The following PIKFYVE variants were observed in gnomAD, a reference collection of about 807,000 sequenced individuals.
PIKFYVE encodes the protein phosphoinositide kinase, FYVE-type zinc finger containing.
A neutral mutation model predicts 257.9 loss-of-function variants in PIKFYVE; 122 were observed. The ratio of observed to expected loss-of-function variants is 0.47; its 90% CI spans 0.41 to 0.55. PIKFYVE has a LOEUF of 0.55. Among genes scored for constraint, PIKFYVE ranks in the 20% least tolerant of loss-of-function variants. The probability of loss-of-function intolerance (pLI) is 0.00; values close to 1 mark genes in which losing one functional copy is unlikely to be tolerated. For missense variants in PIKFYVE, 2,160 were observed against 2,536.6 expected (o/e 0.85, Z 3.19); for synonymous variants, 892 against 868.9 (o/e 1.03, Z -0.47).
intron 1 of PIKFYVE, among the ~76,000 whole-genome samples, chr2:208,267,026 G>T (rs140241332): frequency 1.3e-5 from 2 of 152,134 alleles, no homozygotes; most frequent in African/African-American, 4.8e-5. Context: ...AGGACTTAGG[G>T]GTTTTCTGCC....
At chr2:208,309,096 G>A (rs1694678891) in intron 12 of PIKFYVE, among the ~76,000 whole-genome samples, 1 of 152,074 alleles carries the variant, frequency 6.6e-6, no homozygotes, top group African/African-American at 2.4e-5. Flanking sequence ...GGAAGTGGAT[G>A]CTCCTAGGTT....
chr2:208,280,400 T>C (rs1690656901), intron 5 of PIKFYVE, among the ~76,000 whole-genome samples: 1 of 152,162 alleles, frequency 6.6e-6, no homozygotes, highest in South Asian at 2.1e-4. Context: ...GAGCTAAAGC[T>C]TCACTGATCA....
chr2:208,329,560 C>G (rs191652232), intron 21 of PIKFYVE, among the ~76,000 whole-genome samples: 8 of 152,142 alleles, frequency 5.3e-5, no homozygotes, highest in Non-Finnish European at 1.0e-4. Context: ...AAACCTTTAC[C>G]TCTTCTTAAC....
chr2:208,297,491 T>C (rs934384063), intron 7 of PIKFYVE, among the ~76,000 whole-genome samples: 6 of 152,212 alleles, frequency 3.9e-5, no homozygotes, highest in African/African-American at 1.2e-4. Context: ...TTTATCTTTA[T>C]ACTGGGGAAA....
At chr2:208,328,381 G>A in intron 21 of PIKFYVE, 101 bp downstream of exon 21, 2 of 1,383,384 alleles carry the variant, frequency 1.4e-6, no homozygotes. Flanking sequence ...CTGTATTTAG[G>A]TACACAGCAC....
At chr2:208,269,518 A>G (rs762518009) in intron 1 of PIKFYVE, 6 of 274,518 alleles carry the variant, frequency 2.2e-5, no homozygotes, top group Non-Finnish European at 3.8e-5. Flanking sequence ...AAGCCCCTCC[A>G]GGTAGTCCTC....
chr2:208,297,062 C>CT (rs755031689), intron 7 of PIKFYVE, among the ~76,000 whole-genome samples: 1 of 152,020 alleles, frequency 6.6e-6, no homozygotes, highest in Admixed American at 6.6e-5. Flanking sequence ...AATTTACAGT[C>CT]TATCTCCATG....
In PIKFYVE at chr2:208,333,416, C is replaced by A; in HGVS notation, c.4065C>A (p.Asn1355Lys). 1 of 1,614,046 alleles carries A rather than the reference C, an allele frequency of 6.2e-7. No individual in the cohort carries two copies. Among genetic ancestry groups the A allele is most frequent in the Non-Finnish European group, 8.5e-7 (1 of 1,179,964 alleles). The change falls in exon 24 of 42, where the codon AAC becomes AAA. Residue 1355 changes from asparagine (N) to lysine (K), a missense_variant. Around this residue, in one of 12 missense-constraint regions of PIKFYVE, gnomAD observed 699 missense variants for 855.8 expected, o/e 0.82. Transcript: ENST00000264380. ...FYGHQYTRRANAEPCGHSIHH... is the reference protein window; with the variant it reads ...FYGHQYTRRAKAEPCGHSIHH... ...GGCACCAGTATACTCGCAGAGCCAA[C>A]GCTGAGCCCTGTGGTCACTCCATCC...
At position 208,355,557 on chromosome 2, in the gene PIKFYVE, C is replaced by G. The variant is rs547466847; in HGVS notation, c.*252C>G. On this transcript the variant is annotated 3_prime_UTR_variant, in exon 42 of 42. Coordinates refer to ENST00000264380, the MANE Select transcript of PIKFYVE (RefSeq NM_015040.4). ...AAATTTTCTTAAGCTAAAATACAGACATGTTTCAAAGGGCTAAAGTTGGAG... is the reference window on the plus strand; with the variant it reads ...AAATTTTCTTAAGCTAAAATACAGAGATGTTTCAAAGGGCTAAAGTTGGAG... 3 of 415,266 alleles carry G rather than the reference C, an allele frequency of 7.2e-6. No individual in the cohort carries two copies. In the South Asian group the frequency reaches 7.9e-5, roughly 11 times the overall value. 25.7% of individuals were successfully genotyped at this position (415,266 alleles called of 1,614,324 possible). A position where few individuals can be genotyped will look rare whatever the true frequency, so the allele number is the denominator to read the frequency against.
intron 27 of PIKFYVE, 34 bp from the exon 28 acceptor site, chr2:208,336,804 C>T (rs374473434): frequency 1.0e-4 from 142 of 1,397,986 alleles, no homozygotes; most frequent in Non-Finnish European, 1.4e-4. Flanking sequence ...AGAAACAAAC[C>T]ATATATATAT....
At chr2:208,297,552 T>C (rs4673394) in intron 7 of PIKFYVE, among the ~76,000 whole-genome samples, 112,807 of 152,000 alleles carry the variant, frequency 0.74, 44,110 homozygotes, top group East Asian at 0.93. Context: ...CTGATACATA[T>C]TAGGCGAGCT....
At chr2:208,349,366 A>G (rs1267839574) in intron 35 of PIKFYVE, among the ~76,000 whole-genome samples, 1 of 151,918 alleles carries the variant, frequency 6.6e-6, no homozygotes, top group African/African-American at 2.4e-5. Context: ...TTAAATCTCT[A>G]ATAATTAAAC....
Position 208,325,802 on chromosome 2 carries a change from GAC to G in PIKFYVE, c.2992_2993del (p.Thr998PhefsTer18), listed in dbSNP as rs1393157521. Reference protein sequence around the residue: ...QDALGSEQPETLQQTVVLQDP... With the variant: ...QDALGSEQPEXLQQTVVLQDP... ...ATGCTTTAGGCAGCGAGCAGCCAGA[GAC>G]TTTGCAGCAAACAGTTGTGCTGCAG... On this transcript the variant is annotated frameshift_variant, in exon 20 of 42. Transcript: ENST00000264380. LOFTEE classifies it high-confidence loss of function. 1.2e-6 allele frequency: 2 copies of G among 1,614,002 alleles called. No individual in the cohort carries two copies. Among genetic ancestry groups the G allele is most frequent in the Non-Finnish European group, 1.7e-6 (2 of 1,180,020 alleles).
chr2:208,318,075 A>G, intron 16 of PIKFYVE, 134 bp downstream of exon 16: 1 of 937,484 alleles, frequency 1.1e-6, no homozygotes, highest in Non-Finnish European at 1.7e-6. Context: ...ATAGGGGTGA[A>G]ATTTGGTTGG....
At chr2:208,345,838 C>CTTAT (rs1699174140) in intron 33 of PIKFYVE, among the ~76,000 whole-genome samples, 1 of 152,062 alleles carries the variant, frequency 6.6e-6, no homozygotes, top group Non-Finnish European at 1.5e-5. Flanking sequence ...TTTATAGTTA[C>CTTAT]AGCATTTCAC....
At chr2:208,355,149 A>G (rs1421259685) in intron 41 of PIKFYVE, 41 bp from the exon 42 acceptor site, 5 of 1,491,818 alleles carry the variant, frequency 3.4e-6, no homozygotes, top group African/African-American at 1.4e-5. Flanking sequence ...CCAATCAATT[A>G]TATAACAGCT....
intron 11 of PIKFYVE, among the ~76,000 whole-genome samples, 198 bp from the exon 12 acceptor site, chr2:208,304,648 A>T (rs1694101696): frequency 6.6e-6 from 1 of 152,218 alleles, no homozygotes; most frequent in Non-Finnish European, 1.5e-5. Flanking sequence ...TCATTTTAAA[A>T]ATTGATTTTA....
At position 208,329,909 on chromosome 2, in the gene PIKFYVE, T is replaced by A. The variant is rs780121462; in HGVS notation, c.3787T>A (p.Phe1263Ile). The part of the protein sequence containing the change: ...TLGIFLERYC[F>I]RPSYQCPSMF... ...AGGAATATTTTTAGAGAGATACTGT[T>A]TCAGGTAAGAACATATTTCTTCCTT... The change falls in exon 22 of 42, where the codon TTC becomes ATC. Residue 1263 changes from phenylalanine (F) to isoleucine (I), a missense_variant. Transcript: ENST00000264380. 10 of 1,610,528 alleles carry A rather than the reference T, an allele frequency of 6.2e-6. No homozygotes were observed. The highest frequency in any genetic ancestry group is 8.5e-6 in the Non-Finnish European group (10 of 1,177,674).
Position 208,273,699 on chromosome 2 carries a change from T to G in PIKFYVE, c.288T>G (p.Leu96=). Residue 96 remains leucine, a synonymous_variant, in exon 3 of 42, where the codon CTT becomes CTG. Transcript: ENST00000264380. ...VRSPTPYKKQ[L]NEELQRRSSA... is the part of the protein sequence containing the mutation. ...CACCCACACCTTATAAAAAGCAGCTTAATGAGGAACTCCAGCGGCGCTCTT... is the reference window on the plus strand; with the variant it reads ...CACCCACACCTTATAAAAAGCAGCTGAATGAGGAACTCCAGCGGCGCTCTT... 6.2e-7 allele frequency: 1 copy of G among 1,614,108 alleles called. No individual in the cohort carries two copies. Among genetic ancestry groups the G allele is most frequent in the Non-Finnish European group, 8.5e-7 (1 of 1,180,014 alleles).
Sources: gnomAD v4.1 joint callset for allele counts (sites outside exome capture counted in the v4.1 genomes callset) on GRCh38, gnomAD v4.1.1 for gene constraint, gnomAD v4.1.1 regional missense constraint, MANE v1.5 for transcripts, NCBI Gene and HGNC (gene_info 2026-07-23, HGNC 2026-07-21) for gene names.